The following RABEP1 variants were observed in gnomAD, a reference collection of about 807,000 sequenced individuals.
The protein encoded by RABEP1 is rabaptin, RAB GTPase binding effector protein 1.
Under a neutral mutation model 123.4 loss-of-function variants are expected in RABEP1, and 51 were observed. The observed-to-expected ratio is 0.41, with a 90% CI of 0.33 to 0.52. The LOEUF (loss-of-function observed/expected upper bound fraction) is 0.52. Among genes scored for constraint, RABEP1 ranks in the 20% least tolerant of loss-of-function variants. The probability of loss-of-function intolerance (pLI) is 0.16; values close to 1 mark genes in which losing one functional copy is unlikely to be tolerated. For synonymous variants in RABEP1, 347 were observed against 355.2 expected (o/e 0.98, Z 0.26); for missense variants, 888 against 996.3 (o/e 0.89, Z 1.46).
At chr17:5,378,465 C>A in intron 15 of RABEP1, 1 of 601,824 alleles carries the variant, frequency 1.7e-6, no homozygotes, top group Non-Finnish European at 3.0e-6. Context: ...TGACTGTGGC[C>A]TGGAGTTTCC....
intron 2 of RABEP1, among the ~76,000 whole-genome samples, chr17:5,326,855 A>G (rs890813510): frequency 6.6e-6 from 1 of 152,236 alleles, no homozygotes; most frequent in African/African-American, 2.4e-5. Context: ...ATGGCGATAC[A>G]TTCTCAGAAA....
intron 2 of RABEP1, among the ~76,000 whole-genome samples, chr17:5,331,028 T>A (rs12938457): frequency 1.3e-5 from 1 of 75,388 alleles, no homozygotes; most frequent in Non-Finnish European, 2.4e-5. Flanking sequence ...ATCTCTTAAC[T>A]TTTTTTTTTT....
At chr17:5,320,692 A>G (rs1006685520) in intron 2 of RABEP1, among the ~76,000 whole-genome samples, 2 of 152,192 alleles carry the variant, frequency 1.3e-5, no homozygotes, top group African/African-American at 2.4e-5. Context: ...ATTTTTTAAG[A>G]TAAGTTGTCT....
At chr17:5,331,276 C>T (rs959671034) in intron 2 of RABEP1, among the ~76,000 whole-genome samples, 2 of 151,854 alleles carry the variant, frequency 1.3e-5, no homozygotes, top group Non-Finnish European at 2.9e-5. Context: ...CATTTGCTAC[C>T]CATGATATTT....
intron 2 of RABEP1, among the ~76,000 whole-genome samples, chr17:5,310,194 C>A (rs1439689426): frequency 6.6e-6 from 1 of 151,772 alleles, no homozygotes. Context: ...TACTTACATA[C>A]AACCTTCATA....
At chr17:5,290,784 G>A (rs1057181966) in intron 1 of RABEP1, among the ~76,000 whole-genome samples, 1 of 152,010 alleles carries the variant, frequency 6.6e-6, no homozygotes, top group East Asian at 1.9e-4. Flanking sequence ...TTAGTAGAGA[G>A]TGGGTTTCAA....
chr17:5,298,961 A>G (rs906557184), intron 1 of RABEP1, among the ~76,000 whole-genome samples: 37 of 152,160 alleles, frequency 2.4e-4, no homozygotes, highest in African/African-American at 8.7e-4. Flanking sequence ...GGCCTCCTCC[A>G]GGATTTTAAA....
At chr17:5,370,242 C>T (rs559154432) in intron 12 of RABEP1, among the ~76,000 whole-genome samples, 12 of 152,186 alleles carry the variant, frequency 7.9e-5, no homozygotes, top group South Asian at 2.1e-4. Context: ...TGTGTGTGTA[C>T]GTATGTCTTG....
chr17:5,329,674 C>T (rs963784523), intron 2 of RABEP1, among the ~76,000 whole-genome samples: 9 of 151,908 alleles, frequency 5.9e-5, no homozygotes, highest in Non-Finnish European at 1.0e-4. Flanking sequence ...AAGCAATAAA[C>T]GAATGTTAGA....
chr17:5,323,694 C>CTAGGAATATATATATATATATA lies in RABEP1; in HGVS notation c.164-8254_164-8253insAGGAATATATATATATATATAT, dbSNP rs1567521952. 4.2e-4 allele frequency among the ~76,000 whole-genome samples: 38 copies of CTAGGAATATATATATATATATA among 90,304 alleles called. 7 individuals carry two copies. The highest frequency in any genetic ancestry group is 2.2e-3 in the African/African-American group (38 of 17,346). 59.2% of individuals were successfully genotyped at this position (90,304 alleles called of 152,430 possible). On this transcript the variant is annotated intron_variant, in intron 2 of 17. Transcript: ENST00000537505. ...TCATTGGTGATATATATATATATCT[C>CTAGGAATATATATATATATATA]TCTCTAGGAATATATATATATATCT...
Position 5,325,141 on chromosome 17 carries a change from C to G in RABEP1, c.164-6808C>G, listed in dbSNP as rs147985413. 1.7e-3 allele frequency among the ~76,000 whole-genome samples: 261 copies of G among 151,854 alleles called. 1 individual carries two copies. Among genetic ancestry groups the G allele is most frequent in the African/African-American group, 5.7e-3 (237 of 41,330 alleles). On this transcript the variant is annotated intron_variant, in intron 2 of 17. Transcript: ENST00000537505. ...CAGCCTGGGCAACATGGTGAAACCC[C>G]GTCTCTACTAAAAAAGCAAAAACAA...
At position 5,335,220 on chromosome 17, in the gene RABEP1, G is replaced by A; in HGVS notation, c.404G>A (p.Arg135Lys). 1.2e-6 allele frequency: 2 copies of A among 1,613,670 alleles called. No individual in the cohort carries two copies. The highest frequency in any genetic ancestry group is 8.5e-7 in the Non-Finnish European group (1 of 1,179,764). ...VRDYEHQFHL[R>K]LEQERTQWAQ... ...GACTATGAGCACCAGTTCCACCTTA[G>A]GCTGGAGCAGGAGCGAACACAGTGG... Residue 135 changes from arginine (R) to lysine (K), a missense_variant, in exon 4 of 18, where the codon AGG becomes AAG. Transcript: ENST00000537505.
intron 1 of RABEP1, among the ~76,000 whole-genome samples, chr17:5,297,725 A>G (rs1206752720): frequency 6.6e-6 from 1 of 152,234 alleles, no homozygotes; most frequent in Non-Finnish European, 1.5e-5. Context: ...AAGCTAGAAG[A>G]TAGTCCTATT....
At chr17:5,317,580 CAAAG>C (rs1371329785) in intron 2 of RABEP1, among the ~76,000 whole-genome samples, 1 of 149,526 alleles carries the variant, frequency 6.7e-6, no homozygotes, top group Admixed American at 6.6e-5. Flanking sequence ...GGCACTTACC[CAAAG>C]AAAGAAAGAA....
chr17:5,363,305 C>T (rs1449942251), intron 10 of RABEP1, among the ~76,000 whole-genome samples: 4 of 151,480 alleles, frequency 2.6e-5, no homozygotes, highest in Admixed American at 1.3e-4. Flanking sequence ...CTGCAACTTC[C>T]GACCCCCTGG....
intron 1 of RABEP1, among the ~76,000 whole-genome samples, chr17:5,282,784 CGTGGGGTAGT>C (rs1360267473): frequency 3.3e-5 from 5 of 149,652 alleles, no homozygotes; most frequent in African/African-American, 7.4e-5. Context: ...TGCTGGGTAG[CGTGGGGTAGT>C]GTGGGGAGGG....
intron 2 of RABEP1, among the ~76,000 whole-genome samples, chr17:5,326,647 A>G (rs1905997756): frequency 6.6e-6 from 1 of 152,144 alleles, no homozygotes; most frequent in Non-Finnish European, 1.5e-5. Context: ...GGGTGATGAT[A>G]GTGTGCCAGT....
intron 5 of RABEP1, among the ~76,000 whole-genome samples, chr17:5,346,375 A>C (rs1459812887): frequency 6.6e-6 from 1 of 152,206 alleles, no homozygotes; most frequent in Non-Finnish European, 1.5e-5. Context: ...CCAGAAGTAA[A>C]AGGAAAGCAA....
intron 12 of RABEP1, among the ~76,000 whole-genome samples, 156 bp downstream of exon 12, chr17:5,368,624 T>C (rs1910283634): frequency 6.6e-6 from 1 of 152,224 alleles, no homozygotes; most frequent in African/African-American, 2.4e-5. Context: ...GGACAAAATA[T>C]TGTAAAGACA....
Sources: allele counts gnomAD v4.1 joint callset (sites outside exome capture counted in the v4.1 genomes callset), GRCh38; gene constraint gnomAD v4.1.1; transcripts MANE v1.5; gene names NCBI Gene and HGNC (gene_info 2026-07-23, HGNC 2026-07-21).